The following ERCC1 variants were observed in gnomAD, a reference collection of about 807,000 sequenced individuals.
ERCC1 encodes the protein DNA excision repair protein ERCC-1.
In ERCC1, 36 loss-of-function variants were observed where a neutral mutation model predicts 37.6. The observed-to-expected ratio is 0.96, with a 90% CI of 0.73 to 1.26. The LOEUF (loss-of-function observed/expected upper bound fraction) is 1.26. Ranked by LOEUF, ERCC1 falls within the 50% of genes most tolerant of loss-of-function variation. The pLI is 0.00. For missense variants in ERCC1, 349 were observed against 376.5 expected (o/e 0.93, Z 0.60); for synonymous variants, 156 against 162.1 (o/e 0.96, Z 0.28).
In ERCC1 at chr19:45,420,408, T is replaced by A. The variant is rs2123513036; in HGVS notation, c.341A>T (p.Lys114Met). Reference sequence around the variant, plus strand: ...TTCCCAGGGCACATTGCGCACGAACTTCAGTACGGGATTGCCCCTCTGGGG... The same window carrying A: ...TTCCCAGGGCACATTGCGCACGAACATCAGTACGGGATTGCCCCTCTGGGG... ...SPRQRGNPVL[K>M]FVRNVPWEFG... is the part of the protein sequence containing the mutation. The change falls in exon 4 of 10, where the codon AAG (lysine) becomes ATG (methionine). Residue 114 changes from lysine to methionine, a missense_variant. By Grantham distance (95) the Lys-to-Met change is moderately conservative (BLOSUM62 -1). Coordinates refer to ENST00000300853, the MANE Select transcript of ERCC1 (RefSeq NM_001983.4). The surrounding 1 kb of genome is among the most constrained non-coding windows in gnomAD (Gnocchi z 4.8). 2 of 1,613,276 alleles carry A rather than the reference T, an allele frequency of 1.2e-6. No homozygotes were observed. The highest frequency in any genetic ancestry group is 8.5e-7 in the Non-Finnish European group (1 of 1,179,564).
intron 1 of ERCC1, among the ~76,000 whole-genome samples, chr19:45,441,952 G>A (rs1476005153): frequency 6.6e-6 from 1 of 152,050 alleles, no homozygotes. Context: ...AAAGTGCTGG[G>A]ATTACAGGTG....
At chr19:45,430,386 C>T (rs942360274) in intron 1 of ERCC1, among the ~76,000 whole-genome samples, 1 of 152,172 alleles carries the variant, frequency 6.6e-6, no homozygotes, top group African/African-American at 2.4e-5. Flanking sequence ...ACCGCCATCC[C>T]TATGTTAGAG....
intron 1 of ERCC1, chr19:45,436,644 A>C (rs1405422767): frequency 6.6e-6 from 1 of 152,152 alleles, no homozygotes; most frequent in Non-Finnish European, 1.5e-5. Flanking sequence ...ACAAACAAAA[A>C]TAGTTTTGTA....
chr19:45,430,216 C>T (rs1360797269), intron 1 of ERCC1, among the ~76,000 whole-genome samples: 14 of 152,222 alleles, frequency 9.2e-5, no homozygotes, highest in Non-Finnish European at 1.5e-5. Context: ...GATAAATTAA[C>T]TGCATGAATA....
intron 1 of ERCC1, among the ~76,000 whole-genome samples, chr19:45,441,797 C>G (rs1183844609): frequency 6.6e-6 from 1 of 151,792 alleles, no homozygotes. Context: ...CCTGCCTCAG[C>G]CTCCCAAGTA....
intron 1 of ERCC1, among the ~76,000 whole-genome samples, chr19:45,445,866 G>C (rs1299390353): frequency 6.6e-6 from 1 of 151,972 alleles, no homozygotes; most frequent in African/African-American, 2.4e-5. Context: ...GATGTGAACT[G>C]TTTCTTATTT....
upstream of ERCC1, among the ~76,000 whole-genome samples, chr19:45,428,779 C>T (rs1243879268): frequency 6.6e-6 from 1 of 151,310 alleles, no homozygotes; most frequent in Non-Finnish European, 1.5e-5. Context: ...AGGCTGGCGT[C>T]CCCGCCCGCC....
At chr19:45,438,000 T>G (rs1450521936) in intron 1 of ERCC1, among the ~76,000 whole-genome samples, 1 of 150,050 alleles carries the variant, frequency 6.7e-6, no homozygotes, top group Non-Finnish European at 1.5e-5. Flanking sequence ...CTCTGCCTCC[T>G]GGGTTCAAGT....
intron 8 of ERCC1, 67 bp from the exon 9 acceptor site, chr19:45,413,812 G>A (rs1333263607): frequency 1.2e-6 from 2 of 1,604,722 alleles, no homozygotes; most frequent in Non-Finnish European, 1.7e-6. Flanking sequence ...AGCTGAGGAG[G>A]GGCCTCAGAT....
At chr19:45,444,891 A>C (rs1299529333) in intron 1 of ERCC1, among the ~76,000 whole-genome samples, 1 of 152,182 alleles carries the variant, frequency 6.6e-6, no homozygotes, top group Non-Finnish European at 1.5e-5. Context: ...TAAAATGGGG[A>C]CATTAATACG....
In ERCC1 at chr19:45,408,078, A is replaced by C. The variant is rs547191855; in HGVS notation, c.*1597T>G. ...AAAAAAAACAAAAAAAAAATCAAAA[A>C]ACCTTCCCTCTCCTGTTCCACTTAA... On this transcript the variant is annotated 3_prime_UTR_variant, in exon 10 of 10. Transcript: ENST00000300853. 59 of 1,512,580 alleles carry C rather than the reference A, an allele frequency of 3.9e-5. No individual in the cohort carries two copies. The East Asian group carries it at 1.3e-3, about 33-fold the overall frequency. 93.7% of individuals were successfully genotyped at this position (1,512,580 alleles called of 1,614,324 possible).
In ERCC1 at chr19:45,408,288, G is replaced by C. The variant is rs772958591; in HGVS notation, c.*1387C>G. Reference sequence around the variant, plus strand: ...ACGGAGGCAGGAGGTGGACTCACCTGTGCCTCAGCCCCCCAGGGCACCCTA... The same window carrying C: ...ACGGAGGCAGGAGGTGGACTCACCTCTGCCTCAGCCCCCCAGGGCACCCTA... On this transcript the variant is annotated 3_prime_UTR_variant, in exon 10 of 10. Coordinates refer to ENST00000300853, the MANE Select transcript of ERCC1 (RefSeq NM_001983.4). The C allele has an allele frequency of 6.2e-7, 1 of 1,613,798 alleles. No individual in the cohort carries two copies. The highest frequency in any genetic ancestry group is 1.1e-5 in the South Asian group (1 of 91,062).
At chr19:45,439,854 C>A (rs954224892) in intron 1 of ERCC1, among the ~76,000 whole-genome samples, 2 of 151,952 alleles carry the variant, frequency 1.3e-5, no homozygotes, top group African/African-American at 4.8e-5. Context: ...TCCCCGGGGC[C>A]CTCAGTGGTC....
rs755655220 is a variant in ERCC1, at chr19:45,419,217, G to C, written c.426-20C>G. The C allele has an allele frequency of 4.6e-6, 7 of 1,519,566 alleles. No individual in the cohort carries two copies. The highest frequency in any genetic ancestry group is 1.9e-5 in the Admixed American group (1 of 53,310). 94.1% of individuals were successfully genotyped at this position (1,519,566 alleles called of 1,614,324 possible). A position where few individuals can be genotyped will look rare whatever the true frequency, so the allele number is the denominator to read the frequency against. On this transcript the variant is annotated intron_variant, in intron 4 of 9. Coordinates refer to ENST00000300853, the MANE Select transcript of ERCC1 (RefSeq NM_001983.4). ...CGGAGGCTGGTGGGGGCAGGGAGCG[G>C]GAGTTGAGAGGTCTCAGTCTCTTCA...
At chr19:45,425,082 ATTTTTTTTTTT>A (rs35314737), upstream of ERCC1, among the ~76,000 whole-genome samples, 1 of 116,942 alleles carries the variant, frequency 8.6e-6, no homozygotes, top group Non-Finnish European at 1.8e-5. Flanking sequence ...TGCCCGGCTA[ATTTTTTTTTTT>A]TTTTTTTTTT....
chr19:45,451,381 G>GAGAC (rs71338774), intron 1 of ERCC1, among the ~76,000 whole-genome samples: 9,563 of 152,178 alleles, frequency 0.063, 456 homozygotes, highest in East Asian at 0.21. Flanking sequence ...CCCACCAGGG[G>GAGAC]AGACAGACAG....
rs2123513799 is a variant in ERCC1 at position 45,420,443 on chromosome 19, G to A, written c.322-16C>T. ...GATTGCCCCTCTGGGGAGGGACGAA[G>A]GGCAGAAGCCATCAATAGGGATGAC... On this transcript the variant is annotated splice_polypyrimidine_tract_variant and intron_variant, in intron 3 of 9. Coordinates refer to ENST00000300853, the MANE Select transcript of ERCC1 (RefSeq NM_001983.4). This position sits in a 1 kb window ranked among gnomAD's most constrained non-coding sequence, Gnocchi z 4.8. The A allele has an allele frequency of 1.9e-6, 3 of 1,554,668 alleles. No individual in the cohort carries two copies. The highest frequency in any genetic ancestry group is 2.7e-6 in the Non-Finnish European group (3 of 1,128,842).
intron 9 of ERCC1, among the ~76,000 whole-genome samples, chr19:45,413,025 G>A (rs1405703363): frequency 1.3e-5 from 2 of 152,140 alleles, no homozygotes; most frequent in African/African-American, 4.8e-5. Flanking sequence ...ACAGGCCCAA[G>A]CCACCGCACC....
chr19:45,434,648 C>T (rs575005808), intron 1 of ERCC1, among the ~76,000 whole-genome samples: 41 of 152,098 alleles, frequency 2.7e-4, no homozygotes, highest in Non-Finnish European at 5.3e-4. Context: ...TGCAGTGGTA[C>T]GACCTCAGCT....
Sources: gnomAD v4.1 joint callset for allele counts (sites outside exome capture counted in the v4.1 genomes callset) on GRCh38, gnomAD v4.1.1 for gene constraint, Gnocchi (gnomAD v3.1) non-coding constraint, MANE v1.5 for transcripts, NCBI Gene and HGNC (gene_info 2026-07-23, HGNC 2026-07-21) for gene names.